Variants in SLC5A12 observed in about 807,000 individuals in gnomAD.
The protein encoded by SLC5A12 is solute carrier family 5 member 12.
In SLC5A12, 46 loss-of-function variants were observed where a neutral mutation model predicts 72.7. That is an observed-to-expected ratio of 0.63 (90% CI 0.50 to 0.81). The LOEUF is 0.81. SLC5A12 is among the 30% of genes least tolerant of loss of function. SLC5A12 has a pLI of 0.00. For synonymous variants in SLC5A12, 275 were observed against 264.4 expected (o/e 1.04, Z -0.39); for missense variants, 683 against 740.7 (o/e 0.92, Z 0.90).
At position 26,671,047 on chromosome 11, in the gene SLC5A12, T is replaced by TTGTGTGTGTGTGTGTGTGTG. The variant is rs71449136; in HGVS notation, c.*54_*55insCACACACACACACACACACA. 1.2e-5 allele frequency: 16 copies of TTGTGTGTGTGTGTGTGTGTG among 1,354,490 alleles called. No individual in the cohort carries two copies. Among genetic ancestry groups the TTGTGTGTGTGTGTGTGTGTG allele is most frequent in the Admixed American group, 2.1e-5 (1 of 47,214 alleles). The allele number at this position is 1,354,490 out of a possible 1,614,324, so 83.9% of individuals were successfully genotyped here. On this transcript the variant is annotated 3_prime_UTR_variant, in exon 15 of 15. Coordinates refer to ENST00000396005, the MANE Select transcript of SLC5A12 (RefSeq NM_178498.4). ...CAAGTAGGCAAGAAGTATGTGGAGT[T>TTGTGTGTGTGTGTGTGTGTG]TGTGTGTGTGTGTGTGTATTGCACG... is the stretch of plus-strand genomic sequence containing the variant.
chr11:26,721,349 T>C lies in SLC5A12; in HGVS notation c.339+27A>G, dbSNP rs1480257852. 5 of 1,538,896 alleles carry C rather than the reference T, an allele frequency of 3.2e-6. No homozygotes were observed. The South Asian group carries it at 5.0e-5, about 15-fold the overall frequency. On this transcript the variant is annotated intron_variant, in intron 1 of 14. Transcript: ENST00000396005. ...CATCAAGAGGATGAGAAAAAAAAAT[T>C]AGAGAAGAATGGAGAAATCATCTTA...
intron 7 of SLC5A12, among the ~76,000 whole-genome samples, chr11:26,697,508 G>T (rs1476916264): frequency 1.3e-5 from 2 of 151,812 alleles, no homozygotes; most frequent in African/African-American, 4.8e-5. Flanking sequence ...AGGGAATCTA[G>T]ATATGATGCA....
Position 26,668,459 on chromosome 11 carries a change from T to C in SLC5A12, c.*2643A>G, listed in dbSNP as rs1358903133. 1 of 152,058 alleles carries C rather than the reference T, an allele frequency of 6.6e-6. No individual in the cohort carries two copies. Among genetic ancestry groups the C allele is most frequent in the African/African-American group, 2.4e-5 (1 of 41,418 alleles). 9.4% of individuals were successfully genotyped at this position (152,058 alleles called of 1,614,324 possible). ...TCTTCCATGGTATGGATGGAACTTG[T>C]CACTGAACTGTCTTTGTACTGCACC... On this transcript the variant is annotated 3_prime_UTR_variant, in exon 15 of 15. Coordinates refer to ENST00000396005, the MANE Select transcript of SLC5A12 (RefSeq NM_178498.4).
At chr11:26,689,559 C>T (rs1854617326) in intron 9 of SLC5A12, among the ~76,000 whole-genome samples, 1 of 152,078 alleles carries the variant, frequency 6.6e-6, no homozygotes, top group South Asian at 2.1e-4. Context: ...GAACTTTCCA[C>T]GGTGAAGGTC....
At chr11:26,712,741 G>A (rs1855262076) in intron 1 of SLC5A12, 35 bp from the exon 2 acceptor site, 2 of 1,515,948 alleles carry the variant, frequency 1.3e-6, no homozygotes, top group East Asian at 2.3e-5. Flanking sequence ...GAGTCAGTGA[G>A]GTTTAGATAA....
At chr11:26,707,421 T>C (rs1045245342) in intron 4 of SLC5A12, among the ~76,000 whole-genome samples, 1 of 152,038 alleles carries the variant, frequency 6.6e-6, no homozygotes, top group Non-Finnish European at 1.5e-5. Context: ...CTATTTATAC[T>C]CTCCTCTGAG....
At chr11:26,715,358 C>T (rs1855327237) in intron 1 of SLC5A12, among the ~76,000 whole-genome samples, 2 of 152,014 alleles carry the variant, frequency 1.3e-5, no homozygotes, top group South Asian at 2.1e-4. Context: ...AGGGTGTTAT[C>T]ATTGGCACTC....
chr11:26,717,285 T>A (rs1214095505), intron 1 of SLC5A12, among the ~76,000 whole-genome samples: 2 of 151,920 alleles, frequency 1.3e-5, no homozygotes, highest in Non-Finnish European at 2.9e-5. Flanking sequence ...TGAAGAGAAG[T>A]AAGTAGTTCA....
chr11:26,692,640 A>G (rs763359029), intron 8 of SLC5A12, 39 bp from the exon 9 acceptor site: 10 of 1,469,480 alleles, frequency 6.8e-6, no homozygotes, highest in South Asian at 3.4e-5. Flanking sequence ...TCTAAGCTAT[A>G]TAAGGCGGAG....
chr11:26,684,578 T>C (rs1033804620), intron 10 of SLC5A12, among the ~76,000 whole-genome samples: 1 of 152,118 alleles, frequency 6.6e-6, no homozygotes, highest in Admixed American at 6.5e-5. Context: ...TCAACATCTC[T>C]TAAACTGCGT....
At chr11:26,679,170 C>A (rs1207332707) in intron 12 of SLC5A12, among the ~76,000 whole-genome samples, 1 of 152,016 alleles carries the variant, frequency 6.6e-6, no homozygotes, top group African/African-American at 2.4e-5. Context: ...ATGAGAAAGT[C>A]ACAAAGTCTA....
intron 10 of SLC5A12, among the ~76,000 whole-genome samples, chr11:26,684,657 G>A (rs1228202877): frequency 6.6e-6 from 1 of 151,988 alleles, no homozygotes; most frequent in African/African-American, 2.4e-5. Context: ...GGCAGATGAG[G>A]GCATCACTCA....
intron 8 of SLC5A12, among the ~76,000 whole-genome samples, chr11:26,694,331 C>T (rs1296650830): frequency 6.6e-6 from 1 of 152,022 alleles, no homozygotes; most frequent in African/African-American, 2.4e-5. Context: ...AACTTTGGGA[C>T]TTAGGATAAA....
rs1854060449 is a variant in SLC5A12, at chr11:26,668,829, T to C, written c.*2273A>G. On this transcript the variant is annotated 3_prime_UTR_variant, in exon 15 of 15. Transcript: ENST00000396005. ...TAATAATAATTGCATTTTCCAGTTG[T>C]ATGACATTTTGATAACACTCCAGGT... 1 of 152,042 alleles carries C rather than the reference T, an allele frequency of 6.6e-6. No individual in the cohort carries two copies. Among genetic ancestry groups the C allele is most frequent in the Non-Finnish European group, 1.5e-5 (1 of 67,968 alleles). The allele number at this position is 152,042 out of a possible 1,614,324, so 9.4% of individuals were successfully genotyped here. A position where few individuals can be genotyped will look rare whatever the true frequency, so the allele number is the denominator to read the frequency against.
rs1167442439 is a variant in SLC5A12, at chr11:26,721,509, C to T, written c.206G>A (p.Gly69Glu). 1 of 1,613,982 alleles carries T rather than the reference C, an allele frequency of 6.2e-7. No individual in the cohort carries two copies. The highest frequency in any genetic ancestry group is 8.5e-7 in the Non-Finnish European group (1 of 1,179,982). The change falls in exon 1 of 15, where the codon GGG (glycine) becomes GAG (glutamate). Residue 69 changes from glycine to glutamate, a missense_variant. By Grantham distance (98) the Gly-to-Glu change is moderately conservative. Coordinates refer to ENST00000396005, the MANE Select transcript of SLC5A12 (RefSeq NM_178498.4). ...ASFMSAVTVL[G>E]TPSEVYRFGA... Reference sequence around the variant, plus strand: ...AAAGCGGTAGACTTCAGAAGGGGTCCCCAGGACCGTGACAGCTGACATGAA... The same window carrying T: ...AAAGCGGTAGACTTCAGAAGGGGTCTCCAGGACCGTGACAGCTGACATGAA...
chr11:26,697,322 G>C, intron 7 of SLC5A12, 70 bp from the exon 8 acceptor site: 70 of 1,302,786 alleles, frequency 5.4e-5, no homozygotes, highest in Middle Eastern at 2.0e-4. Context: ...AGAAGAGAGA[G>C]AAAAAAATAG....
chr11:26,721,658 G>C lies in SLC5A12; in HGVS notation c.57C>G (p.Phe19Leu), dbSNP rs764786158. The C allele has an allele frequency of 1.9e-6, 3 of 1,613,868 alleles. No homozygotes were observed. The highest frequency in any genetic ancestry group is 1.7e-6 in the Non-Finnish European group (2 of 1,179,930). ...WDYVVFAALFFISSGIGVFFA... is the reference protein window; with the variant it reads ...WDYVVFAALFLISSGIGVFFA... ...AGAACACCCCAATTCCAGAGGAAAT[G>C]AAAAAGAGGGCTGCAAATACAACAT... The change falls in exon 1 of 15, where the codon TTC (phenylalanine) becomes TTG (leucine). Residue 19 changes from phenylalanine to leucine, a missense_variant. Physicochemically the swap from Phe to Leu is conservative, Grantham distance 22. Coordinates refer to ENST00000396005, the MANE Select transcript of SLC5A12 (RefSeq NM_178498.4).
intron 10 of SLC5A12, 102 bp from the exon 11 acceptor site, chr11:26,683,945 C>T: frequency 1.3e-6 from 1 of 793,540 alleles, no homozygotes; most frequent in Non-Finnish European, 2.0e-6. Context: ...GGGTCCTAGT[C>T]CTGACTGTGC....
rs139295218 is a variant in SLC5A12 at position 26,691,990 on chromosome 11, G to A, written c.1153+499C>T. On this transcript the variant is annotated intron_variant, in intron 9 of 14. Transcript: ENST00000396005. ...GAGACTAATATGACCATCACACAGT[G>A]TAATCAAGAGAGATTGATGTGATTA... 4.9e-3 allele frequency: 747 copies of A among 153,364 alleles called. 7 individuals carry two copies. In the East Asian group the frequency reaches 0.055, roughly 11 times the overall value. 9.5% of individuals were successfully genotyped at this position (153,364 alleles called of 1,614,324 possible).
Sources: gnomAD v4.1 joint callset for allele counts (sites outside exome capture counted in the v4.1 genomes callset) on GRCh38, gnomAD v4.1.1 for gene constraint, MANE v1.5 for transcripts, NCBI Gene and HGNC (gene_info 2026-07-23, HGNC 2026-07-21) for gene names.